Variants in NSUN6 observed in about 807,000 individuals in gnomAD.
NSUN6 encodes tRNA (cytosine(72)-C(5))-methyltransferase NSUN6.
In NSUN6, 64 loss-of-function variants were observed where a neutral mutation model predicts 58.0. The observed-to-expected ratio is 1.10, with a 90% CI of 0.90 to 1.36. The LOEUF (loss-of-function observed/expected upper bound fraction) is 1.36. NSUN6 is among the 40% of genes most tolerant of loss of function. The pLI is 0.00. For synonymous variants in NSUN6, 231 were observed against 193.9 expected, an observed-to-expected ratio of 1.19 and a Z score of -1.59; for missense variants, 701 against 550.1, an observed-to-expected ratio of 1.27 and a Z score of -2.74.
At chr10:18,652,419 TAA>T, upstream of NSUN6, 1 of 985,090 alleles carries the variant, frequency 1.0e-6, no homozygotes, top group South Asian at 4.7e-5. Flanking sequence ...TTTTTCTCTT[TAA>T]TTTTCACACC....
intron 3 of NSUN6, among the ~76,000 whole-genome samples, chr10:18,620,842 C>T (rs901821696): frequency 6.6e-6 from 1 of 152,186 alleles, no homozygotes; most frequent in Non-Finnish European, 1.5e-5. Context: ...GTAACACCAT[C>T]ACATCTCACA....
intron 6 of NSUN6, among the ~76,000 whole-genome samples, chr10:18,605,367 ATAAG>A (rs990071616): frequency 7.9e-5 from 11 of 139,220 alleles, no homozygotes; most frequent in African/African-American, 2.6e-4. Flanking sequence ...TACGCTGTTA[ATAAG>A]TAAGTAAATA....
chr10:18,628,489 T>G (rs912698957), intron 3 of NSUN6, among the ~76,000 whole-genome samples: 2 of 152,064 alleles, frequency 1.3e-5, no homozygotes, highest in Non-Finnish European at 2.9e-5. Context: ...CCAAAGGCAT[T>G]GAAGTTGAAA....
At chr10:18,652,904 A>G (rs1445049837), upstream of NSUN6, 3 of 985,052 alleles carry the variant, frequency 3.0e-6, no homozygotes, top group African/African-American at 3.5e-5. Flanking sequence ...TAGGGTTGAA[A>G]CAACTCTCCA....
intron 8 of NSUN6, among the ~76,000 whole-genome samples, chr10:18,571,502 C>A (rs2056360664): frequency 6.6e-6 from 1 of 150,992 alleles, no homozygotes; most frequent in South Asian, 2.1e-4. Context: ...CTTTCCATTC[C>A]ATTCCCCATT....
At chr10:18,584,118 T>C (rs1182903248) in intron 8 of NSUN6, among the ~76,000 whole-genome samples, 1 of 152,152 alleles carries the variant, frequency 6.6e-6, no homozygotes, top group East Asian at 1.9e-4. Context: ...ATTTCCACCC[T>C]CTAGGTGTTG....
At chr10:18,641,430 A>G (rs1564841446) in intron 3 of NSUN6, among the ~76,000 whole-genome samples, 1 of 151,718 alleles carries the variant, frequency 6.6e-6, no homozygotes, top group Non-Finnish European at 1.5e-5. Context: ...CAGTAGCACA[A>G]TCATGGCTCA....
At chr10:18,618,461 C>T (rs562850028) in intron 3 of NSUN6, among the ~76,000 whole-genome samples, 1 of 152,078 alleles carries the variant, frequency 6.6e-6, no homozygotes, top group South Asian at 2.1e-4. Flanking sequence ...GTGGGTGGAT[C>T]ACATGAGGTT....
rs899649578 is a variant in NSUN6, at chr10:18,604,460, C to T, written c.657+5385G>A. Among the ~76,000 whole-genome samples the T allele has an allele frequency of 2.6e-5, 4 of 152,090 alleles. No homozygotes were observed. The South Asian group carries it at 8.3e-4, about 32-fold the overall frequency. Reference sequence around the variant, plus strand: ...CTGCTTTGTTACTCAAAGTATGGCCCGCAAATCAGGGGAATCCAAATTTCC... The same window carrying T: ...CTGCTTTGTTACTCAAAGTATGGCCTGCAAATCAGGGGAATCCAAATTTCC... On this transcript the variant is annotated intron_variant, in intron 6 of 10. Transcript: ENST00000377304.
At chr10:18,568,129 A>C (rs2056099796) in intron 8 of NSUN6, among the ~76,000 whole-genome samples, 5 of 148,254 alleles carry the variant, frequency 3.4e-5, no homozygotes, top group Admixed American at 3.4e-4. Context: ...ATTCTGCATT[A>C]CATTACATTT....
chr10:18,645,227 G>C (rs1193234054), intron 2 of NSUN6, among the ~76,000 whole-genome samples: 1 of 148,600 alleles, frequency 6.7e-6, no homozygotes, highest in Non-Finnish European at 1.5e-5. Context: ...TCAGAGTCAG[G>C]AATGATAGTG....
chr10:18,547,997 T>C (rs369900407), intron 10 of NSUN6, 115 bp downstream of exon 10: 32 of 988,482 alleles, frequency 3.2e-5, no homozygotes, highest in East Asian at 7.8e-5. Flanking sequence ...TTCTTGTTTA[T>C]TACAGTGTTC....
At chr10:18,598,360 T>C (rs1037263120) in intron 6 of NSUN6, among the ~76,000 whole-genome samples, 2 of 152,214 alleles carry the variant, frequency 1.3e-5, no homozygotes, top group Non-Finnish European at 2.9e-5. Context: ...ACAAAGCCTG[T>C]TTGGTGGTCT....
chr10:18,613,754 T>C (rs537994921), intron 5 of NSUN6, among the ~76,000 whole-genome samples: 1 of 152,302 alleles, frequency 6.6e-6, no homozygotes, highest in African/African-American at 2.4e-5. Context: ...ACCCAAACTG[T>C]TGCAACATGA....
intron 3 of NSUN6, among the ~76,000 whole-genome samples, chr10:18,640,685 A>G (rs527821584): frequency 6.6e-6 from 1 of 152,304 alleles, no homozygotes; most frequent in East Asian, 1.9e-4. Flanking sequence ...TTGGCTGCAC[A>G]GTTGTACATA....
intron 10 of NSUN6, 92 bp from the exon 11 acceptor site, chr10:18,546,237 A>T: frequency 2.3e-6 from 2 of 886,504 alleles, no homozygotes; most frequent in Non-Finnish European, 3.8e-6. Context: ...ATTGGGCTGT[A>T]ACGACTACAT....
In NSUN6 at chr10:18,616,191, T is replaced by C; in HGVS notation, c.414A>G (p.Ala138=). ...AHVYAPGIVS[A]SQFMKAGDVI... ...TCTAAACATTATACTTACATTGTGA[T>C]GCTGACACAATTCCTGGGGCATAGA... The change falls in exon 4 of 11, where the codon GCA becomes GCG. Residue 138 remains alanine (A), a synonymous_variant. Coordinates refer to ENST00000377304, the MANE Select transcript of NSUN6 (RefSeq NM_182543.5). 3.3e-6 allele frequency: 5 copies of C among 1,524,848 alleles called. No homozygotes were observed. The highest frequency in any genetic ancestry group is 4.5e-6 in the Non-Finnish European group (5 of 1,099,052). 94.5% of individuals were successfully genotyped at this position (1,524,848 alleles called of 1,614,324 possible). A position where few individuals can be genotyped will look rare whatever the true frequency, so the allele number is the denominator to read the frequency against.
chr10:18,605,195 T>TAA (rs542428234), intron 6 of NSUN6, among the ~76,000 whole-genome samples: 10 of 137,680 alleles, frequency 7.3e-5, no homozygotes, highest in Admixed American at 7.3e-5. Flanking sequence ...GAGACTCCCT[T>TAA]AAAAAAAAAA....
In NSUN6 at chr10:18,650,805, G is replaced by GC. The variant is rs552929342; in HGVS notation, c.75+323dup. On this transcript the variant is annotated intron_variant, in intron 1 of 10. Transcript: ENST00000377304. ...CCTTTTCACCTGAGTGCCAGAGCCA[G>GC]CGCTCTTTTAAAATTCGATTCGAGT... Among the ~76,000 whole-genome samples, 328 of 152,340 alleles carry GC rather than the reference G, an allele frequency of 2.2e-3. 2 individuals carry two copies. The highest frequency in any genetic ancestry group is 7.6e-3 in the African/African-American group (316 of 41,576).
Sources: allele counts gnomAD v4.1 joint callset (sites outside exome capture counted in the v4.1 genomes callset), GRCh38; gene constraint gnomAD v4.1.1; transcripts MANE v1.5; gene names NCBI Gene and HGNC (gene_info 2026-07-23, HGNC 2026-07-21).